Variants in AGBL1 observed in about 807,000 individuals in gnomAD.
The protein encoded by AGBL1 is cytosolic carboxypeptidase 4.
Under a neutral mutation model 118.9 loss-of-function variants are expected in AGBL1, and 130 were observed. The ratio of observed to expected loss-of-function variants is 1.09; its 90% CI spans 0.95 to 1.26. The LOEUF (loss-of-function observed/expected upper bound fraction) is 1.26, where lower values mean the gene tolerates loss of function less well. AGBL1 is among the 50% of genes most tolerant of loss of function. The pLI, the probability that AGBL1 is intolerant of heterozygous loss-of-function variation, is 0.00. For missense variants in AGBL1, 1,584 were observed against 1,298.1 expected (o/e 1.22, Z -3.38); for synonymous variants, 555 against 478.9 (o/e 1.16, Z -2.08).
chr15:87,005,558 T>A (rs529231646), intron 24 of AGBL1, among the ~76,000 whole-genome samples: 34 of 152,342 alleles, frequency 2.2e-4, no homozygotes, highest in Admixed American at 1.4e-3. Context: ...TTTAAGGACT[T>A]CTCTGCATTA....
At chr15:86,877,311 G>A (rs1360647644) in intron 22 of AGBL1, among the ~76,000 whole-genome samples, 1 of 152,110 alleles carries the variant, frequency 6.6e-6, no homozygotes, top group African/African-American at 2.4e-5. Context: ...GCCCAGCCCT[G>A]CCCCATTTTC....
At chr15:86,520,153 C>G (rs902398744) in intron 18 of AGBL1, among the ~76,000 whole-genome samples, 6 of 152,206 alleles carry the variant, frequency 3.9e-5, no homozygotes, top group Middle Eastern at 3.4e-3. Flanking sequence ...AGGTAAGGAA[C>G]CAATGAATGT....
At chr15:86,642,757 C>T (rs1395966661) in intron 21 of AGBL1, among the ~76,000 whole-genome samples, 8 of 152,050 alleles carry the variant, frequency 5.3e-5, no homozygotes, top group East Asian at 1.9e-4. Context: ...CATCTATGTT[C>T]GCAATTTCAT....
chr15:86,409,489 G>T (rs967164439), intron 18 of AGBL1, among the ~76,000 whole-genome samples: 3 of 152,054 alleles, frequency 2.0e-5, no homozygotes, highest in Admixed American at 1.3e-4. Flanking sequence ...TACACAGAAG[G>T]CGTCAGGAGC....
At chr15:86,460,271 C>T (rs1377056186) in intron 18 of AGBL1, among the ~76,000 whole-genome samples, 1 of 127,568 alleles carries the variant, frequency 7.8e-6, no homozygotes, top group African/African-American at 2.9e-5. Flanking sequence ...TGCCTGAGCC[C>T]AGGAGTTCCA....
At chr15:86,979,296 T>C (rs2081205502) in intron 23 of AGBL1, among the ~76,000 whole-genome samples, 1 of 152,274 alleles carries the variant, frequency 6.6e-6, no homozygotes, top group Non-Finnish European at 1.5e-5. Context: ...AAACAAAAAT[T>C]CGAGTGCACC....
intron 9 of AGBL1, among the ~76,000 whole-genome samples, chr15:86,261,490 A>G (rs748588021): frequency 9.9e-5 from 15 of 152,198 alleles, no homozygotes; most frequent in Admixed American, 3.9e-4. Context: ...TAGATGGAAC[A>G]TTGCATTTTT....
chr15:86,721,600 C>G (rs2086722357), intron 22 of AGBL1, among the ~76,000 whole-genome samples: 1 of 152,198 alleles, frequency 6.6e-6, no homozygotes, highest in Non-Finnish European at 1.5e-5. Context: ...TGGCACAAGA[C>G]AGGGATGCCC....
At chr15:86,937,917 A>C (rs945157552) in intron 23 of AGBL1, among the ~76,000 whole-genome samples, 1 of 152,246 alleles carries the variant, frequency 6.6e-6, no homozygotes, top group Non-Finnish European at 1.5e-5. Flanking sequence ...GCATGCAGGG[A>C]CCTCAAAGTA....
At chr15:86,256,040 A>G (rs977901163) in intron 7 of AGBL1, among the ~76,000 whole-genome samples, 2 of 152,026 alleles carry the variant, frequency 1.3e-5, no homozygotes, top group African/African-American at 4.8e-5. Flanking sequence ...AAACTGGGGG[A>G]CCCCACAAGT....
At chr15:86,514,429 A>T (rs1214496201) in intron 18 of AGBL1, among the ~76,000 whole-genome samples, 3 of 152,018 alleles carry the variant, frequency 2.0e-5, no homozygotes, top group Non-Finnish European at 4.4e-5. Flanking sequence ...CCTTAGCTTT[A>T]CCATTTATAG....
intron 21 of AGBL1, among the ~76,000 whole-genome samples, chr15:86,579,549 T>G (rs2084144633): frequency 6.6e-6 from 1 of 152,176 alleles, no homozygotes; most frequent in African/African-American, 2.4e-5. Context: ...ACTTGATTTT[T>G]GGGCACTTAT....
At chr15:86,527,982 C>T (rs1229880676) in intron 19 of AGBL1, among the ~76,000 whole-genome samples, 4 of 152,202 alleles carry the variant, frequency 2.6e-5, no homozygotes, top group Non-Finnish European at 4.4e-5. Context: ...CACCCATCCA[C>T]CCAATGTAGG....
intron 23 of AGBL1, among the ~76,000 whole-genome samples, chr15:86,957,012 C>T (rs1200269245): frequency 1.3e-5 from 2 of 151,566 alleles, no homozygotes; most frequent in African/African-American, 4.8e-5. Context: ...GGCAATTGGG[C>T]ACAAAAAGAA....
chr15:86,363,840 A>G (rs1289432520), intron 17 of AGBL1, among the ~76,000 whole-genome samples: 2 of 151,836 alleles, frequency 1.3e-5, no homozygotes, highest in African/African-American at 2.4e-5. Flanking sequence ...CCCCTGCCCC[A>G]CTCAGCTCTT....
chr15:86,963,757 T>C (rs188883118), intron 23 of AGBL1, among the ~76,000 whole-genome samples: 6 of 152,054 alleles, frequency 3.9e-5, no homozygotes, highest in South Asian at 2.1e-4. Flanking sequence ...GCCTTTCTCA[T>C]TGAACCACTG....
At chr15:86,147,456 C>T (rs913898843) in intron 3 of AGBL1, among the ~76,000 whole-genome samples, 1 of 152,218 alleles carries the variant, frequency 6.6e-6, no homozygotes, top group African/African-American at 2.4e-5. Context: ...CAATGTAATT[C>T]TCTCCTGTGC....
At chr15:86,176,398 T>C (rs1316218909) in intron 5 of AGBL1, among the ~76,000 whole-genome samples, 4 of 152,160 alleles carry the variant, frequency 2.6e-5, no homozygotes, top group Admixed American at 2.0e-4. Flanking sequence ...AGAGTGTCTG[T>C]GTCTGGGGAT....
chr15:86,460,741 C>T (rs1266803946), intron 18 of AGBL1, among the ~76,000 whole-genome samples: 3 of 152,156 alleles, frequency 2.0e-5, no homozygotes, highest in African/African-American at 7.2e-5. Context: ...TTCCTTGCCG[C>T]TTTTCCTTAA....
Sources: allele counts gnomAD v4.1 joint callset (sites outside exome capture counted in the v4.1 genomes callset), GRCh38; gene constraint gnomAD v4.1.1; transcripts MANE v1.5; gene names NCBI Gene and HGNC (gene_info 2026-07-23, HGNC 2026-07-21).